The following IRAG2 variants were observed in gnomAD, a reference collection of about 807,000 sequenced individuals.
IRAG2 encodes the protein inositol 1,4,5-triphosphate receptor associated 2.
IRAG2 carries 45 observed loss-of-function variants against 69.9 expected under a neutral mutation model. The observed-to-expected ratio is 0.64, with a 90% CI of 0.51 to 0.83. IRAG2 has a LOEUF of 0.83. Ranked by LOEUF, IRAG2 falls within the 40% of genes least tolerant of loss-of-function variation. The probability of loss-of-function intolerance (pLI) is 0.00; values close to 1 mark genes in which losing one functional copy is unlikely to be tolerated. For synonymous variants in IRAG2, 193 were observed against 202.4 expected (o/e 0.95, Z 0.40); for missense variants, 520 against 587.0 (o/e 0.89, Z 1.18).
At chr12:25,022,965 A>C (rs955718305) in intron 7 of IRAG2, among the ~76,000 whole-genome samples, 1 of 152,134 alleles carries the variant, frequency 6.6e-6, no homozygotes, top group Non-Finnish European at 1.5e-5. Context: ...GTCTCTACTA[A>C]AAATACAAAA....
At chr12:25,031,254 G>T (rs777296747) in intron 10 of IRAG2, 1 of 163,904 alleles carries the variant, frequency 6.1e-6, no homozygotes, top group African/African-American at 2.4e-5. Context: ...ATGATATTGC[G>T]ATAGTAGTGG....
At chr12:25,061,522 C>G in intron 1 of IRAG2, 70 bp from the exon 2 acceptor site, 1 of 397,930 alleles carries the variant, frequency 2.5e-6, no homozygotes, top group Non-Finnish European at 4.4e-6. Flanking sequence ...CAAATCCTGT[C>G]TTGAAATAAA....
intron 6 of IRAG2, among the ~76,000 whole-genome samples, chr12:25,077,266 A>ATATATATG (rs1946794073): frequency 3.0e-5 from 1 of 32,866 alleles, no homozygotes; most frequent in African/African-American, 9.9e-5. Flanking sequence ...ATATATATGA[A>ATATATATG]ATATATATGA....
chr12:25,005,092 A>C, intron 1 of IRAG2: 1 of 489,356 alleles, frequency 2.0e-6, no homozygotes, highest in East Asian at 3.5e-5. Flanking sequence ...CATGATGGGA[A>C]TACTTAGATA....
At chr12:25,017,208 A>G in exon 6 of IRAG2, 1 of 1,232,162 alleles carries the variant, frequency 8.1e-7, no homozygotes, top group East Asian at 3.2e-5. Context: ...GAAAATAATA[A>G]GTTTAAGTTG....
intron 6 of IRAG2, among the ~76,000 whole-genome samples, chr12:25,074,183 T>C (rs1388977218): frequency 1.3e-5 from 2 of 152,234 alleles, no homozygotes; most frequent in East Asian, 1.9e-4. Context: ...ACAAATACTT[T>C]ACATATATAC....
intron 15 of IRAG2, 174 bp from the exon 16 acceptor site, chr12:25,101,001 CTTG>C (rs1462923264): frequency 8.5e-6 from 4 of 473,006 alleles, no homozygotes; most frequent in South Asian, 3.8e-5. Context: ...CTTTCAAAGT[CTTG>C]TTGTCATATT....
At chr12:25,026,207 G>C (rs1365913774) in intron 8 of IRAG2, among the ~76,000 whole-genome samples, 2 of 152,130 alleles carry the variant, frequency 1.3e-5, no homozygotes, top group Non-Finnish European at 2.9e-5. Flanking sequence ...AAATATACCA[G>C]GATGATATGA....
chr12:25,072,108 G>C (rs12229033), intron 6 of IRAG2, among the ~76,000 whole-genome samples: 16,085 of 152,152 alleles, frequency 0.11, 1,151 homozygotes, highest in Admixed American at 0.17. Flanking sequence ...GGGAGGCTGA[G>C]GCAGGAGAAT....
At chr12:25,018,193 C>CTTTTTTTTTTTT (rs56659655) in intron 6 of IRAG2, among the ~76,000 whole-genome samples, 4 of 105,538 alleles carry the variant, frequency 3.8e-5, no homozygotes, top group South Asian at 3.1e-4. Flanking sequence ...TTTCTTTCTT[C>CTTTTTTTTTTTT]TTTTTTTTTT....
intron 8 of IRAG2, chr12:25,023,940 A>G (rs747940703): frequency 8.4e-7 from 1 of 1,195,564 alleles, no homozygotes; most frequent in Non-Finnish European, 1.0e-6. Flanking sequence ...GAATCGTTAA[A>G]CACTGGCATA....
At chr12:25,002,642 T>G, upstream of IRAG2, among the ~76,000 whole-genome samples, 1 of 148,396 alleles carries the variant, frequency 6.7e-6, no homozygotes, top group South Asian at 2.1e-4. Flanking sequence ...CTTCTTCTTC[T>G]TCTTTTCTTT....
chr12:25,081,141 T>G (rs935504902), intron 9 of IRAG2, among the ~76,000 whole-genome samples: 1 of 138,636 alleles, frequency 7.2e-6, no homozygotes, highest in African/African-American at 2.7e-5. Flanking sequence ...ATAAAACTTA[T>G]GTGAATGTGG....
chr12:25,082,935 T>C (rs945802442), intron 9 of IRAG2, among the ~76,000 whole-genome samples: 2 of 152,212 alleles, frequency 1.3e-5, no homozygotes, highest in Admixed American at 1.3e-4. Flanking sequence ...TGGCACAAGT[T>C]AAAAATGCAT....
chr12:25,003,626 C>A (rs79896326), upstream of IRAG2, among the ~76,000 whole-genome samples: 1 of 152,014 alleles, frequency 6.6e-6, no homozygotes, highest in Admixed American at 6.6e-5. Flanking sequence ...TATCTTGCTA[C>A]GCAATAAAAC....
intron 7 of IRAG2, chr12:25,023,829 C>T: frequency 9.5e-7 from 1 of 1,053,188 alleles, no homozygotes; most frequent in Non-Finnish European, 1.2e-6. Flanking sequence ...TTTTCATAAA[C>T]ATCTTAAATA....
chr12:25,058,376 T>C (rs1945404518), intron 1 of IRAG2, among the ~76,000 whole-genome samples: 1 of 152,226 alleles, frequency 6.6e-6, no homozygotes, highest in South Asian at 2.1e-4. Context: ...GGCCATTGTA[T>C]ATCTTCTTTG....
exon 12 of IRAG2, chr12:25,032,333 C>T: frequency 2.5e-6 from 1 of 399,032 alleles, no homozygotes; most frequent in Non-Finnish European, 4.4e-6. Context: ...AGTAAACTGG[C>T]TCATGAGTTA....
Position 25,100,041 on chromosome 12 carries a change from A to G in IRAG2, c.742-1137A>G, listed in dbSNP as rs186342184. 2.2e-3 allele frequency among the ~76,000 whole-genome samples: 323 copies of G among 146,796 alleles called. 2 individuals carry two copies. Among genetic ancestry groups the G allele is most frequent in the Admixed American group, 4.0e-3 (60 of 14,876 alleles). ...AAAAAAAAAATGGGCAAAAGACTTC[A>G]ATAGACATTTCTTCAAAGAAGATAC... is the stretch of plus-strand genomic sequence containing the variant. On this transcript the variant is annotated intron_variant, in intron 15 of 21. Coordinates refer to ENST00000556887, the MANE Select transcript of IRAG2 (RefSeq NM_001366544.2).
Sources: gnomAD v4.1 joint callset for allele counts (sites outside exome capture counted in the v4.1 genomes callset) on GRCh38, gnomAD v4.1.1 for gene constraint, MANE v1.5 for transcripts, NCBI Gene and HGNC (gene_info 2026-07-23, HGNC 2026-07-21) for gene names.